Variants in AKAP6 observed in about 807,000 individuals in gnomAD.
AKAP6 encodes the protein A-kinase anchoring protein 6.
Under a neutral mutation model 188.5 loss-of-function variants are expected in AKAP6, and 58 were observed. That is an observed-to-expected ratio of 0.31 (90% CI 0.25 to 0.38). The LOEUF is 0.38. Among genes scored for constraint, AKAP6 ranks in the 10% least tolerant of loss-of-function variants. The probability of loss-of-function intolerance (pLI) is 1.00; values close to 1 mark genes in which losing one functional copy is unlikely to be tolerated. For missense variants in AKAP6, 2,710 were observed against 2,740.0 expected, an observed-to-expected ratio of 0.99 and a Z score of 0.24; for synonymous variants, 989 against 998.6, an observed-to-expected ratio of 0.99 and a Z score of 0.18.
intron 1 of AKAP6, among the ~76,000 whole-genome samples, chr14:32,330,852 C>A (rs1036356247): frequency 6.7e-6 from 1 of 149,844 alleles, no homozygotes; most frequent in Non-Finnish European, 1.5e-5. Flanking sequence ...ACTCTCAGTC[C>A]TTTAAGCTTA....
rs79545722 is a variant in AKAP6 at position 32,364,536 on chromosome 14, G to A, written c.-35+35128G>A. Among the ~76,000 whole-genome samples, 73 of 152,140 alleles carry A rather than the reference G, an allele frequency of 4.8e-4. 3 individuals are homozygous for A. The East Asian group carries it at 0.014, about 29-fold the overall frequency. Reference sequence around the variant, plus strand: ...TAAGTAATTTATCCCTTTGTCTAAGGTAAATTATAATTTTTTTGATCTTTC... The same window carrying A: ...TAAGTAATTTATCCCTTTGTCTAAGATAAATTATAATTTTTTTGATCTTTC... On this transcript the variant is annotated intron_variant, in intron 1 of 13. Coordinates refer to ENST00000280979, the MANE Select transcript of AKAP6 (RefSeq NM_004274.5).
chr14:32,641,328 C>T (rs988636621), intron 7 of AKAP6, among the ~76,000 whole-genome samples: 2 of 151,606 alleles, frequency 1.3e-5, no homozygotes, highest in African/African-American at 4.8e-5. Context: ...AAAACTAGGA[C>T]CTTTTAGCCA....
intron 2 of AKAP6, among the ~76,000 whole-genome samples, chr14:32,480,663 A>G (rs1879295459): frequency 6.6e-6 from 1 of 151,580 alleles, no homozygotes; most frequent in African/African-American, 2.4e-5. Context: ...CATTTATTTG[A>G]ATTTAGGTCT....
chr14:32,360,390 G>T (rs1193575102), intron 1 of AKAP6, among the ~76,000 whole-genome samples: 18 of 152,240 alleles, frequency 1.2e-4, no homozygotes, highest in Non-Finnish European at 1.5e-5. Flanking sequence ...GCCTCTCAAA[G>T]TGCTGGGATT....
chr14:32,602,452 A>G (rs2139356718), intron 7 of AKAP6, among the ~76,000 whole-genome samples: 2 of 152,214 alleles, frequency 1.3e-5, no homozygotes, highest in East Asian at 3.9e-4. Context: ...CTAGGATCAC[A>G]CCACTGCACT....
At chr14:32,463,896 A>G (rs571830984) in intron 2 of AKAP6, among the ~76,000 whole-genome samples, 1 of 152,312 alleles carries the variant, frequency 6.6e-6, no homozygotes, top group Admixed American at 6.5e-5. Context: ...ACACAATAAA[A>G]AATGATAAAG....
At chr14:32,399,985 A>T (rs115512012) in intron 1 of AKAP6, among the ~76,000 whole-genome samples, 2,550 of 152,082 alleles carry the variant, frequency 0.017, 61 homozygotes, top group African/African-American at 0.056. Context: ...TTATTTGAGG[A>T]TGTGTTCTTA....
At chr14:32,454,084 C>T (rs3784191) in intron 2 of AKAP6, among the ~76,000 whole-genome samples, 47,380 of 151,998 alleles carry the variant, frequency 0.31, 12,463 homozygotes, top group African/African-American at 0.72. Context: ...CGGATGGCCT[C>T]AAGTTATGCA....
At chr14:32,424,299 T>C (rs903739540) in intron 1 of AKAP6, among the ~76,000 whole-genome samples, 1 of 152,056 alleles carries the variant, frequency 6.6e-6, no homozygotes, top group Non-Finnish European at 1.5e-5. Context: ...GCAACTTACC[T>C]TGTAGCTTAA....
intron 5 of AKAP6, among the ~76,000 whole-genome samples, chr14:32,597,672 T>C (rs1244913843): frequency 6.6e-6 from 1 of 152,202 alleles, no homozygotes. Flanking sequence ...GTGAACAGCC[T>C]TGGGGAAACC....
chr14:32,584,232 A>G (rs10143802), intron 5 of AKAP6, among the ~76,000 whole-genome samples: 5,107 of 152,254 alleles, frequency 0.034, 284 homozygotes, highest in African/African-American at 0.12. Context: ...CACCTCATGT[A>G]TACCATGTCT....
At chr14:32,814,040 A>T (rs2034317033) in intron 12 of AKAP6, among the ~76,000 whole-genome samples, 1 of 152,106 alleles carries the variant, frequency 6.6e-6, no homozygotes, top group African/African-American at 2.4e-5. Context: ...TGGGACAAAC[A>T]AGGTGTTGAA....
At chr14:32,446,506 C>CA (rs1219167883) in intron 2 of AKAP6, among the ~76,000 whole-genome samples, 4 of 150,928 alleles carry the variant, frequency 2.7e-5, no homozygotes, top group South Asian at 4.2e-4. Context: ...ATCTGTATTT[C>CA]AAAAAAAAAT....
chr14:32,334,805 A>G (rs1205204952), intron 1 of AKAP6, among the ~76,000 whole-genome samples: 1 of 152,196 alleles, frequency 6.6e-6, no homozygotes, highest in East Asian at 1.9e-4. Context: ...GATAAAGGAC[A>G]GACTTTGTTT....
chr14:32,565,426 A>G lies in AKAP6; in HGVS notation c.2347-11694A>G, dbSNP rs369014560. On this transcript the variant is annotated intron_variant, in intron 4 of 13. Transcript: ENST00000280979. ...GATTCTAACATCTTTCTCATCATCCATCAAATCCAATTAGTCCTGTCCATT... is the reference window on the plus strand; with the variant it reads ...GATTCTAACATCTTTCTCATCATCCGTCAAATCCAATTAGTCCTGTCCATT... Among the ~76,000 whole-genome samples, 9 of 152,174 alleles carry G rather than the reference A, an allele frequency of 5.9e-5. No homozygotes were observed. The East Asian group carries it at 1.5e-3, about 26-fold the overall frequency.
chr14:32,397,364 C>T (rs1888914027), intron 1 of AKAP6, among the ~76,000 whole-genome samples: 1 of 150,750 alleles, frequency 6.6e-6, no homozygotes, highest in African/African-American at 2.4e-5. Flanking sequence ...GTTATCAAAA[C>T]ACTTTTTATT....
At chr14:32,665,738 C>A (rs1888906761) in intron 7 of AKAP6, among the ~76,000 whole-genome samples, 1 of 152,160 alleles carries the variant, frequency 6.6e-6, no homozygotes, top group Non-Finnish European at 1.5e-5. Flanking sequence ...GCCCCTGAGG[C>A]CTAACACACC....
intron 9 of AKAP6, among the ~76,000 whole-genome samples, chr14:32,722,769 G>T (rs2030615439): frequency 6.6e-6 from 1 of 152,120 alleles, no homozygotes; most frequent in African/African-American, 2.4e-5. Flanking sequence ...CCATCACTCA[G>T]TAAAATCTTC....
intron 2 of AKAP6, among the ~76,000 whole-genome samples, chr14:32,510,878 G>C (rs1459161848): frequency 6.6e-6 from 1 of 152,044 alleles, no homozygotes; most frequent in Non-Finnish European, 1.5e-5. Flanking sequence ...TTACTGTTTG[G>C]ATTCTGTGAT....
Sources: gnomAD v4.1 joint callset for allele counts (sites outside exome capture counted in the v4.1 genomes callset) on GRCh38, gnomAD v4.1.1 for gene constraint, MANE v1.5 for transcripts, NCBI Gene and HGNC (gene_info 2026-07-23, HGNC 2026-07-21) for gene names.